The following UBE4B variants were observed in gnomAD, a reference collection of about 807,000 sequenced individuals.
UBE4B encodes the protein ubiquitin conjugation factor E4 B.
In UBE4B, 27 loss-of-function variants were observed where a neutral mutation model predicts 148.1. The observed-to-expected ratio is 0.18, with a 90% CI of 0.13 to 0.25. The LOEUF is 0.25. UBE4B is among the 10% of genes least tolerant of loss of function. The pLI, the probability that UBE4B is intolerant of heterozygous loss-of-function variation, is 1.00. For synonymous variants in UBE4B, 596 were observed against 619.3 expected, an observed-to-expected ratio of 0.96 and a Z score of 0.56; for missense variants, 1,170 against 1,662.4, an observed-to-expected ratio of 0.70 and a Z score of 5.15.
At chr1:10,065,257 G>A (rs1187078348) in intron 1 of UBE4B, among the ~76,000 whole-genome samples, 7 of 152,152 alleles carry the variant, frequency 4.6e-5, no homozygotes, top group Non-Finnish European at 1.0e-4. Context: ...GAGGAAGGAA[G>A]GGAAGGCTTC....
At chr1:10,150,770 G>A (rs1645958271) in intron 20 of UBE4B, among the ~76,000 whole-genome samples, 1 of 151,206 alleles carries the variant, frequency 6.6e-6, no homozygotes, top group South Asian at 2.1e-4. Context: ...TGAGGCAGGA[G>A]AATCGCTTGA....
intron 7 of UBE4B, among the ~76,000 whole-genome samples, chr1:10,114,513 A>G (rs565946785): frequency 6.6e-6 from 1 of 152,278 alleles, no homozygotes; most frequent in African/African-American, 2.4e-5. Flanking sequence ...GCCAGTCAGC[A>G]GATACCAGAT....
At position 10,056,240 on chromosome 1, in the gene UBE4B, C is replaced by T. The variant is rs188903405; in HGVS notation, c.25-15788C>T. 1.5e-4 allele frequency among the ~76,000 whole-genome samples: 23 copies of T among 152,236 alleles called. No individual in the cohort carries two copies. The East Asian group carries it at 4.4e-3, about 29-fold the overall frequency. On this transcript the variant is annotated intron_variant, in intron 1 of 27. Transcript: ENST00000343090. ...TCACAATTAGATGACACGTGAGATGCTTTTTAGTGCTTTTGTACACACTCG... is the reference window on the plus strand; with the variant it reads ...TCACAATTAGATGACACGTGAGATGTTTTTTAGTGCTTTTGTACACACTCG...
chr1:10,143,867 A>T (rs1294330479), intron 17 of UBE4B, among the ~76,000 whole-genome samples: 1 of 151,936 alleles, frequency 6.6e-6, no homozygotes, highest in East Asian at 1.9e-4. Context: ...TTCAGCCAAA[A>T]CCCCTCTACC....
chr1:10,095,557 CCCA>C lies in UBE4B; in HGVS notation c.309_311del (p.Gln104del). ...ACGCAATCTCAGTCTCTCTCACGTT[CCCA>C]GAGCATGGATATCGATGGTGTCTCA... On this transcript the variant is annotated inframe_deletion, in exon 3 of 28. Transcript: ENST00000343090. 1 of 1,614,092 alleles carries C rather than the reference CCCA, an allele frequency of 6.2e-7. No homozygotes were observed. Among genetic ancestry groups the C allele is most frequent in the Non-Finnish European group, 8.5e-7 (1 of 1,180,028 alleles).
At chr1:10,134,528 A>G (rs1645646508) in intron 15 of UBE4B, among the ~76,000 whole-genome samples, 1 of 151,974 alleles carries the variant, frequency 6.6e-6, no homozygotes, top group South Asian at 2.1e-4. Flanking sequence ...AAAGAAAAGA[A>G]AAGAAAAGAA....
chr1:10,162,266 T>C (rs1052108962), intron 23 of UBE4B, among the ~76,000 whole-genome samples: 5 of 152,198 alleles, frequency 3.3e-5, no homozygotes, highest in African/African-American at 9.6e-5. Context: ...CTTTGCCTCC[T>C]GGGTACAAGT....
chr1:10,087,809 A>C (rs780896562), intron 2 of UBE4B, among the ~76,000 whole-genome samples: 4 of 152,188 alleles, frequency 2.6e-5, no homozygotes, highest in Non-Finnish European at 4.4e-5. Flanking sequence ...TCCTAAGTCC[A>C]TCCCACACTT....
In UBE4B at chr1:10,135,146, T is replaced by G; in HGVS notation, c.2184T>G (p.Asn728Lys). The change falls in exon 16 of 28, where the codon AAT (asparagine) becomes AAG (lysine). Residue 728 changes from asparagine (N) to lysine (K), a missense_variant. This residue lies in a region of UBE4B where 388 missense variants were observed against 536.0 expected (regional missense o/e 0.72). Transcript: ENST00000343090. ...TTCCCAATGATGAGACGCGTGTGAA[T>G]GCAACGATGGAAGATGTGAATGACT... is the stretch of plus-strand genomic sequence containing the variant. ...ITLPNDETRVNATMEDVNDWL... is the reference protein window; with the variant it reads ...ITLPNDETRVKATMEDVNDWL... 1 of 1,614,002 alleles carries G rather than the reference T, an allele frequency of 6.2e-7. No individual in the cohort carries two copies. The highest frequency in any genetic ancestry group is 8.5e-7 in the Non-Finnish European group (1 of 1,179,966).
intron 18 of UBE4B, among the ~76,000 whole-genome samples, chr1:10,146,663 C>T (rs1645878061): frequency 6.6e-6 from 1 of 152,092 alleles, no homozygotes; most frequent in Non-Finnish European, 1.5e-5. Context: ...ACCCAAAGGG[C>T]CTCCCTGTCG....
Position 10,105,587 on chromosome 1 carries a change from G to A in UBE4B, c.652G>A (p.Asp218Asn). The A allele has an allele frequency of 3.7e-6, 6 of 1,614,192 alleles. No homozygotes were observed. Among genetic ancestry groups the A allele is most frequent in the Non-Finnish European group, 5.1e-6 (6 of 1,180,038 alleles). The change falls in exon 6 of 28, where the codon GAT (aspartate) becomes AAT (asparagine). Residue 218 changes from aspartate (D) to asparagine (N), a missense_variant. This residue lies in a region of UBE4B where 91 missense variants were observed against 120.5 expected (regional missense o/e 0.76). Coordinates refer to ENST00000343090, the MANE Select transcript of UBE4B (RefSeq NM_001105562.3). ...EVLMMSTQTR[D>N]ENPFASLTAT... ...GCTAATGATGTCCACTCAGACCAGA[G>A]ATGAAAACCCATTTGCCAGTCTGAC...
chr1:10,081,532 C>T (rs1463118053), intron 2 of UBE4B, among the ~76,000 whole-genome samples: 1 of 151,414 alleles, frequency 6.6e-6, no homozygotes, highest in Non-Finnish European at 1.5e-5. Context: ...TCAAGTGATC[C>T]TTTTACCTCA....
At chr1:10,061,401 T>C (rs1046832453) in intron 1 of UBE4B, among the ~76,000 whole-genome samples, 4 of 152,008 alleles carry the variant, frequency 2.6e-5, no homozygotes, top group African/African-American at 9.7e-5. Context: ...ATTACAGGCA[T>C]GCACCACCAC....
In UBE4B at chr1:10,049,796, G is replaced by GCA. The variant is rs1557511509; in HGVS notation, c.24+16102_24+16103insCA. ...TCCCAGCTACTCGGGAGGCTGAGAT[G>GCA]GGAGAATCACTTGAGCCCGGCAGGT... On this transcript the variant is annotated intron_variant, in intron 1 of 27. Coordinates refer to ENST00000343090, the MANE Select transcript of UBE4B (RefSeq NM_001105562.3). Among the ~76,000 whole-genome samples the GCA allele has an allele frequency of 2.6e-5, 4 of 151,530 alleles. No individual in the cohort carries two copies. In the South Asian group the frequency reaches 8.3e-4, roughly 32 times the overall value.
At chr1:10,129,508 A>G in intron 12 of UBE4B, 60 bp downstream of exon 12, 2 of 1,538,614 alleles carry the variant, frequency 1.3e-6, no homozygotes, top group Non-Finnish European at 1.8e-6. Flanking sequence ...CCCAGAAGGC[A>G]TTCCTCTAGT....
At chr1:10,085,964 T>A (rs1644758747) in intron 2 of UBE4B, among the ~76,000 whole-genome samples, 1 of 151,784 alleles carries the variant, frequency 6.6e-6, no homozygotes, top group Non-Finnish European at 1.5e-5. Flanking sequence ...TAATTTTTTT[T>A]ATTTTTTATT....
intron 10 of UBE4B, among the ~76,000 whole-genome samples, chr1:10,125,390 G>A (rs572943291): frequency 2.4e-4 from 37 of 152,284 alleles, no homozygotes; most frequent in African/African-American, 8.9e-4. Flanking sequence ...TGGCATATGA[G>A]AGCAAGTTAC....
rs1645945898 is a variant in UBE4B, at chr1:10,150,150, C to T, written c.2690+868C>T. Among the ~76,000 whole-genome samples the T allele has an allele frequency of 2.6e-5, 4 of 151,810 alleles. 1 individual carries two copies. The South Asian group carries it at 8.3e-4, about 32-fold the overall frequency. ...ATAAAAGCTGCCTTTAAAAAAAAGC[C>T]CAAATCAAGGCAGAGGTTGCAATGA... On this transcript the variant is annotated intron_variant, in intron 20 of 27. Transcript: ENST00000343090.
chr1:10,091,961 C>G (rs1249593652), intron 2 of UBE4B, among the ~76,000 whole-genome samples: 1 of 152,084 alleles, frequency 6.6e-6, no homozygotes, highest in African/African-American at 2.4e-5. Context: ...GTTGCCCAGG[C>G]TGGTCTCAAA....
Sources: allele counts gnomAD v4.1 joint callset (sites outside exome capture counted in the v4.1 genomes callset), GRCh38; gene constraint gnomAD v4.1.1; regional missense constraint gnomAD v4.1.1; transcripts MANE v1.5; gene names NCBI Gene and HGNC (gene_info 2026-07-23, HGNC 2026-07-21).